The following DCAKD variants were observed in gnomAD, a reference collection of about 807,000 sequenced individuals.
The protein encoded by DCAKD is dephospho-CoA kinase domain containing, also known as dephospho-CoA kinase domain-containing protein.
In DCAKD, 15 loss-of-function variants were observed where a neutral mutation model predicts 18.7. The ratio of observed to expected loss-of-function variants is 0.80; its 90% CI spans 0.54 to 1.24. DCAKD has a LOEUF of 1.24. Ranked by LOEUF, DCAKD falls within the 50% of genes most tolerant of loss-of-function variation. The pLI, the probability that DCAKD is intolerant of heterozygous loss-of-function variation, is 0.00. For missense variants in DCAKD, 301 were observed against 322.0 expected, an observed-to-expected ratio of 0.93 and a Z score of 0.50; for synonymous variants, 130 against 133.0, an observed-to-expected ratio of 0.98 and a Z score of 0.16.
upstream of DCAKD, among the ~76,000 whole-genome samples, chr17:45,054,748 C>G (rs1230642448): frequency 1.3e-5 from 2 of 152,176 alleles, no homozygotes; most frequent in Non-Finnish European, 2.9e-5. Context: ...CTTTTCCCTA[C>G]TCCTGACACA....
intron 3 of DCAKD, 60 bp downstream of exon 3, chr17:45,034,124 AGAG>A (rs2143229162): frequency 6.2e-6 from 10 of 1,609,720 alleles, no homozygotes; most frequent in South Asian, 2.2e-5. Context: ...AACTTTCTGC[AGAG>A]GAGAAGGGCC....
intron 1 of DCAKD, among the ~76,000 whole-genome samples, chr17:45,041,885 A>G (rs1021776990): frequency 6.6e-6 from 1 of 152,010 alleles, no homozygotes; most frequent in African/African-American, 2.4e-5. Flanking sequence ...TTGGGAGGCC[A>G]AGGTGGGAGG....
chr17:45,057,715 A>C (rs1057004996), intron 1 of DCAKD, among the ~76,000 whole-genome samples: 3 of 150,520 alleles, frequency 2.0e-5, no homozygotes, highest in African/African-American at 7.4e-5. Flanking sequence ...AAAAAAAAAA[A>C]AAACAGTAAT....
intron 1 of DCAKD, among the ~76,000 whole-genome samples, chr17:45,042,418 G>T (rs2053461121): frequency 6.6e-6 from 1 of 152,148 alleles, no homozygotes. Context: ...CCATTCAACA[G>T]ACCCGCCCCT....
chr17:45,024,277 C>A lies in DCAKD; in HGVS notation c.*156G>T. ...CTGGCACAGAGGCCCAGCCCTGATT[C>A]GGAGAGTCCGTGTGTGTGTGTGTGT... On this transcript the variant is annotated 3_prime_UTR_variant, in exon 5 of 5. Coordinates refer to ENST00000651974, the MANE Select transcript of DCAKD (RefSeq NM_001288655.2). 1.0e-6 allele frequency: 1 copy of A among 976,462 alleles called. No individual in the cohort carries two copies. Among genetic ancestry groups the A allele is most frequent in the Non-Finnish European group, 1.5e-6 (1 of 689,062 alleles). 60.5% of individuals were successfully genotyped at this position (976,462 alleles called of 1,614,324 possible).
intron 1 of DCAKD, among the ~76,000 whole-genome samples, chr17:45,058,947 C>CA (rs2053818194): frequency 6.6e-6 from 1 of 152,060 alleles, no homozygotes; most frequent in Non-Finnish European, 1.5e-5. Context: ...GATATAAAAA[C>CA]AGAGTTGAGT....
At chr17:45,045,335 A>G (rs2053542210) in intron 1 of DCAKD, among the ~76,000 whole-genome samples, 1 of 152,170 alleles carries the variant, frequency 6.6e-6, no homozygotes, top group Non-Finnish European at 1.5e-5. Context: ...CACCCAACAC[A>G]TTACTTGGCT....
At position 45,034,251 on chromosome 17, in the gene DCAKD, G is replaced by C. The variant is rs200803823; in HGVS notation, c.252C>G (p.Asn84Lys). ...FNQPDRRQLL[N>K]AITHPEIRKE... ...TGCGAATCTCGGGGTGGGTGATGGCGTTGAGCAGCTGCCGCCGGTCAGGCT... is the reference window on the plus strand; with the variant it reads ...TGCGAATCTCGGGGTGGGTGATGGCCTTGAGCAGCTGCCGCCGGTCAGGCT... Residue 84 changes from asparagine to lysine, a missense_variant, in exon 3 of 5, where the codon AAC becomes AAG. Asn to Lys is a moderately conservative substitution (Grantham distance 94, BLOSUM62 0). Coordinates refer to ENST00000651974, the MANE Select transcript of DCAKD (RefSeq NM_001288655.2). 2.5e-6 allele frequency: 4 copies of C among 1,614,154 alleles called. No individual in the cohort carries two copies. In the East Asian group the frequency reaches 6.7e-5, roughly 27 times the overall value.
At chr17:45,026,790 T>C (rs574425448) in intron 4 of DCAKD, 2 of 985,398 alleles carry the variant, frequency 2.0e-6, no homozygotes, top group East Asian at 1.1e-4. Flanking sequence ...AAGGACTAAA[T>C]CCAGCCTTCA....
chr17:45,059,325 G>T (rs1415150633), intron 1 of DCAKD, among the ~76,000 whole-genome samples: 1 of 152,106 alleles, frequency 6.6e-6, no homozygotes, highest in African/African-American at 2.4e-5. Flanking sequence ...GAGTCAGATG[G>T]GAACTGTTTC....
upstream of DCAKD, among the ~76,000 whole-genome samples, chr17:45,053,756 G>A (rs1489291815): frequency 1.3e-5 from 2 of 151,882 alleles, no homozygotes; most frequent in Non-Finnish European, 2.9e-5. Flanking sequence ...TAGAGATGGG[G>A]TTTGGCATGT....
At chr17:45,052,201 C>G (rs1391451609), upstream of DCAKD, among the ~76,000 whole-genome samples, 1 of 152,070 alleles carries the variant, frequency 6.6e-6, no homozygotes, top group East Asian at 1.9e-4. Context: ...TTTTCCTTTC[C>G]CCGGAGCCGG....
intron 3 of DCAKD, among the ~76,000 whole-genome samples, chr17:45,032,442 C>G (rs1246196340): frequency 6.6e-6 from 1 of 152,056 alleles, no homozygotes; most frequent in Non-Finnish European, 1.5e-5. Flanking sequence ...GGGGAGGTTG[C>G]TCACTCAAGG....
At chr17:45,050,726 G>C (rs1249167620) in intron 1 of DCAKD, among the ~76,000 whole-genome samples, 4 of 151,654 alleles carry the variant, frequency 2.6e-5, no homozygotes, top group South Asian at 2.1e-4. Flanking sequence ...ATATTCAAAG[G>C]CTTCCATTTC....
intron 1 of DCAKD, among the ~76,000 whole-genome samples, chr17:45,042,769 C>T (rs541748542): frequency 2.0e-5 from 3 of 152,356 alleles, no homozygotes; most frequent in African/African-American, 4.8e-5. Flanking sequence ...AAGTTCTCTT[C>T]GTGGGCTAGG....
chr17:45,052,633 T>C (rs1385053173), upstream of DCAKD, among the ~76,000 whole-genome samples: 6 of 147,254 alleles, frequency 4.1e-5, no homozygotes, highest in Admixed American at 6.8e-5. Flanking sequence ...TTTGGGAGGA[T>C]CACTTGAGCC....
intron 1 of DCAKD, among the ~76,000 whole-genome samples, chr17:45,057,746 C>G (rs1406732970): frequency 6.6e-6 from 1 of 150,748 alleles, no homozygotes; most frequent in Non-Finnish European, 1.5e-5. Flanking sequence ...TGCAGTGTCT[C>G]ACACCTGTAA....
intron 1 of DCAKD, among the ~76,000 whole-genome samples, chr17:45,047,131 GA>G (rs11290490): frequency 0.67 from 93,228 of 139,606 alleles, 30,373 homozygotes; most frequent in African/African-American, 0.76. Flanking sequence ...TGATATTGCT[GA>G]AAAAAAAAAA....
intron 4 of DCAKD, 25 bp from the exon 5 acceptor site, chr17:45,024,749 G>A (rs1450694607): frequency 6.5e-7 from 1 of 1,534,540 alleles, no homozygotes. Context: ...AAAGGGCACT[G>A]TAGGTCCTGC....
Sources: gnomAD v4.1 joint callset for allele counts (sites outside exome capture counted in the v4.1 genomes callset) on GRCh38, gnomAD v4.1.1 for gene constraint, MANE v1.5 for transcripts, NCBI Gene and HGNC (gene_info 2026-07-23, HGNC 2026-07-21) for gene names.